TG: variants seen among roughly 807,000 people sequenced by gnomAD.
TG encodes the protein thyroglobulin.
In TG, 270 loss-of-function variants were observed where a neutral mutation model predicts 324.7. That is an observed-to-expected ratio of 0.83 (90% CI 0.75 to 0.92). TG has a LOEUF of 0.92. Ranked by LOEUF, TG falls within the 40% of genes least tolerant of loss-of-function variation. The pLI is 0.00. For synonymous variants in TG, 1,401 were observed against 1,327.0 expected (o/e 1.06, Z -1.21); for missense variants, 3,591 against 3,456.4 (o/e 1.04, Z -0.98).
intron 35 of TG, among the ~76,000 whole-genome samples, chr8:132,992,475 C>A (rs539303451): frequency 4.6e-5 from 7 of 152,238 alleles, no homozygotes; most frequent in African/African-American, 1.7e-4. Context: ...GGGAAAATTG[C>A]GATTACTTTT....
chr8:133,078,633 A>C (rs1378544630), intron 41 of TG, among the ~76,000 whole-genome samples: 1 of 152,238 alleles, frequency 6.6e-6, no homozygotes. Flanking sequence ...GACGCTATGC[A>C]TGTAACTGTA....
At chr8:132,949,552 A>G (rs1449115638) in intron 27 of TG, among the ~76,000 whole-genome samples, 1 of 152,226 alleles carries the variant, frequency 6.6e-6, no homozygotes, top group Non-Finnish European at 1.5e-5. Context: ...TCTGTCCCCC[A>G]AACTAATGCC....
intron 35 of TG, chr8:132,983,619 G>A: frequency 1.6e-6 from 1 of 618,954 alleles, no homozygotes; most frequent in East Asian, 2.8e-5. Context: ...TCACGGGAAT[G>A]AAATGATTTG....
At chr8:133,088,881 GA>G (rs1847036139) in intron 41 of TG, among the ~76,000 whole-genome samples, 1 of 152,120 alleles carries the variant, frequency 6.6e-6, no homozygotes, top group South Asian at 2.1e-4. Context: ...TAGGGATCAA[GA>G]AAACAAGATG....
At chr8:132,867,210 A>G (rs1437891178) in intron 1 of TG, 143 bp downstream of exon 1, 3 of 738,466 alleles carry the variant, frequency 4.1e-6, no homozygotes, top group Non-Finnish European at 4.5e-6. Context: ...TTTTTTTCAG[A>G]TGAAGAGGCA....
At chr8:133,022,213 C>G in intron 40 of TG, 63 bp downstream of exon 40, 2 of 1,607,520 alleles carry the variant, frequency 1.2e-6, no homozygotes, top group Non-Finnish European at 8.5e-7. Flanking sequence ...CCCTTTTCCC[C>G]AAGACCCATC....
chr8:132,907,380 G>A (rs948318233), intron 17 of TG, among the ~76,000 whole-genome samples: 1 of 152,194 alleles, frequency 6.6e-6, no homozygotes, highest in African/African-American at 2.4e-5. Flanking sequence ...TCCAGGTAGG[G>A]CATCAGTCCT....
In TG at chr8:133,011,929, C is replaced by T. The variant is rs1439171639; in HGVS notation, c.6291C>T (p.Ala2097=). 4 of 1,614,176 alleles carry T rather than the reference C, an allele frequency of 2.5e-6. No individual in the cohort carries two copies. Residue 2097 remains alanine (A), a synonymous_variant, in exon 36 of 48, where the codon GCC becomes GCT. Coordinates refer to ENST00000220616, the MANE Select transcript of TG (RefSeq NM_003235.5). ...CTCTGGACTCGTGGCAGTCCCTGGC[C>T]CTCTCTTCAGTGGTTGTTGATCCAT... is the stretch of plus-strand genomic sequence containing the variant. ...KVSLDSWQSL[A]LSSVVVDPSI...
chr8:132,871,426 C>T lies in TG; in HGVS notation c.353C>T (p.Pro118Leu), dbSNP rs114322847. Residue 118 changes from proline (P) to leucine (L), a missense_variant, in exon 4 of 48, where the codon CCT becomes CTT. Coordinates refer to ENST00000220616, the MANE Select transcript of TG (RefSeq NM_003235.5). ...AACAGCACAGACACCTCCTACCTCCCTCAGTGTCAGGATTCAGGGGACTAC... is the reference window on the plus strand; with the variant it reads ...AACAGCACAGACACCTCCTACCTCCTTCAGTGTCAGGATTCAGGGGACTAC... The part of the protein sequence containing the change: ...YINSTDTSYL[P>L]QCQDSGDYAP... 0.021 allele frequency: 33,846 copies of T among 1,614,194 alleles called. 443 individuals are homozygous for T. Among genetic ancestry groups the T allele is most frequent in the Non-Finnish European group, 0.025 (30,056 of 1,180,024 alleles).
intron 44 of TG, 99 bp from the exon 45 acceptor site, chr8:133,116,510 G>C: frequency 9.5e-7 from 1 of 1,054,344 alleles, no homozygotes; most frequent in South Asian, 1.3e-5. Flanking sequence ...GGGTGGGTTG[G>C]GGGCCCAGGG....
At chr8:133,067,263 C>T (rs1843170329) in intron 41 of TG, among the ~76,000 whole-genome samples, 1 of 152,136 alleles carries the variant, frequency 6.6e-6, no homozygotes. Flanking sequence ...TCCTCTAGGG[C>T]AGGTGCAGCC....
intron 41 of TG, among the ~76,000 whole-genome samples, chr8:133,053,198 A>G (rs1323141988): frequency 6.6e-6 from 1 of 152,094 alleles, no homozygotes; most frequent in Non-Finnish European, 1.5e-5. Context: ...TTCCTGCTGT[A>G]CTAATTCTTC....
chr8:132,941,586 GCA>G, intron 26 of TG, 44 bp downstream of exon 26: 1 of 1,611,416 alleles, frequency 6.2e-7, no homozygotes, highest in Non-Finnish European at 8.5e-7. Context: ...GGGATGGGGA[GCA>G]CACAGGGATG....
chr8:132,918,792 A>C (rs1328397094), intron 20 of TG, among the ~76,000 whole-genome samples: 2 of 152,250 alleles, frequency 1.3e-5, no homozygotes, highest in Admixed American at 6.5e-5. Flanking sequence ...AAAACGGATT[A>C]AAATATCTGC....
At chr8:133,125,532 A>T (rs2958696) in intron 45 of TG, among the ~76,000 whole-genome samples, 151,987 of 152,350 alleles carry the variant, frequency 1, 75,835 homozygotes, top group Middle Eastern at 1. Context: ...TCGTGTATTA[A>T]GCTGGAAGAA....
intron 43 of TG, among the ~76,000 whole-genome samples, chr8:133,099,833 C>T (rs1029019598): frequency 3.3e-5 from 5 of 152,196 alleles, no homozygotes; most frequent in African/African-American, 9.7e-5. Context: ...GCTCCCCTAC[C>T]TCTTCTGCTA....
At chr8:133,089,714 T>C (rs1254449295) in intron 41 of TG, among the ~76,000 whole-genome samples, 1 of 152,166 alleles carries the variant, frequency 6.6e-6, no homozygotes, top group Non-Finnish European at 1.5e-5. Flanking sequence ...GCAATACATA[T>C]TTTGAGTTCC....
rs927420935 is a variant in TG, at chr8:132,976,714, A to G, written c.6199+3973A>G. On this transcript the variant is annotated intron_variant, in intron 34 of 47. Coordinates refer to ENST00000220616, the MANE Select transcript of TG (RefSeq NM_003235.5). ...AAACACCATGGGATGCACATGGCTT[A>G]TGGGCATTCTGGTGTGAGTGGCTCC... 3.0e-4 allele frequency among the ~76,000 whole-genome samples: 45 copies of G among 152,270 alleles called. 1 individual carries two copies. Among genetic ancestry groups the G allele is most frequent in the African/African-American group, 1.0e-3 (43 of 41,550 alleles).
intron 42 of TG, 117 bp downstream of exon 42, chr8:133,095,325 C>T (rs1848241376): frequency 2.1e-6 from 3 of 1,401,422 alleles, no homozygotes; most frequent in Non-Finnish European, 3.0e-6. Flanking sequence ...AGGCTGATGA[C>T]CAACTGGAGC....
Sources: allele counts gnomAD v4.1 joint callset (sites outside exome capture counted in the v4.1 genomes callset), GRCh38; gene constraint gnomAD v4.1.1; transcripts MANE v1.5; gene names NCBI Gene and HGNC (gene_info 2026-07-23, HGNC 2026-07-21).